CROCC2: variants seen among roughly 807,000 people sequenced by gnomAD.
CROCC2 encodes ciliary rootlet coiled-coil, rootletin family member 2, also known as ciliary rootlet coiled-coil protein 2.
Under a neutral mutation model 177.6 loss-of-function variants are expected in CROCC2, and 163 were observed. The observed-to-expected ratio is 0.92, with a 90% CI of 0.81 to 1.05. The LOEUF (loss-of-function observed/expected upper bound fraction) is 1.05, where lower values mean the gene tolerates loss of function less well. Ranked by LOEUF, CROCC2 falls within the 50% of genes least tolerant of loss-of-function variation. CROCC2 has a pLI of 0.00. For missense variants in CROCC2, 1,929 were observed against 1,797.8 expected (o/e 1.07, Z -1.32); for synonymous variants, 904 against 787.3 (o/e 1.15, Z -2.48).
At chr2:240,989,575 C>T in intron 29 of CROCC2, 79 bp from the exon 30 acceptor site, 1 of 1,388,820 alleles carries the variant, frequency 7.2e-7, no homozygotes, top group Non-Finnish European at 9.8e-7. Context: ...AGGTGAAACA[C>T]CCTGTGGCAC....
chr2:240,924,404 A>G lies in CROCC2; in HGVS notation c.489-1320A>G, dbSNP rs200705097. Among the ~76,000 whole-genome samples the G allele has an allele frequency of 2.0e-3, 8 of 3,974 alleles. 1 individual carries two copies. Among genetic ancestry groups the G allele is most frequent in the Non-Finnish European group, 2.8e-3 (8 of 2,876 alleles). The allele number at this position is 3,974 out of a possible 152,430, so 2.6% of individuals were successfully genotyped here. A position where few individuals can be genotyped will look rare whatever the true frequency, so the allele number is the denominator to read the frequency against. On this transcript the variant is annotated intron_variant, in intron 4 of 31. Transcript: ENST00000690015. ...CCCACACTGACCCAGTCCCCACACT[A>G]ACCCGGCCCCCACACTAACCCAGCC...
At chr2:240,989,478 G>A (rs528987512) in intron 29 of CROCC2, among the ~76,000 whole-genome samples, 176 bp from the exon 30 acceptor site, 5 of 152,328 alleles carry the variant, frequency 3.3e-5, no homozygotes, top group Middle Eastern at 3.4e-3. Context: ...CAAGGCCCAC[G>A]GGCTGAACAT....
chr2:240,930,472 G>C (rs1487443372), intron 6 of CROCC2, among the ~76,000 whole-genome samples: 1 of 152,160 alleles, frequency 6.6e-6, no homozygotes, highest in African/African-American at 2.4e-5. Flanking sequence ...GGCAGTAGGG[G>C]AGAAGGACAA....
chr2:240,965,187 C>G (rs2059671733), intron 22 of CROCC2, among the ~76,000 whole-genome samples, 194 bp from the exon 23 acceptor site: 1 of 152,178 alleles, frequency 6.6e-6, no homozygotes. Flanking sequence ...CGAGGAGGTC[C>G]CAGGTAGGTG....
At chr2:240,990,376 T>TGAACCACTGAGCC (rs1324941330) in intron 30 of CROCC2, among the ~76,000 whole-genome samples, 1 of 152,198 alleles carries the variant, frequency 6.6e-6, no homozygotes, top group Non-Finnish European at 1.5e-5. Flanking sequence ...CCTGCTGGGC[T>TGAACCACTGAGCC]GAACCACTGA....
intron 1 of CROCC2, among the ~76,000 whole-genome samples, chr2:240,916,772 C>T (rs970879568): frequency 6.6e-6 from 1 of 152,208 alleles, no homozygotes; most frequent in Non-Finnish European, 1.5e-5. Context: ...GCTGAGCAGG[C>T]GGAGGGAGGG....
intron 1 of CROCC2, among the ~76,000 whole-genome samples, chr2:240,912,798 A>G (rs1427453018): frequency 6.6e-6 from 1 of 152,192 alleles, no homozygotes; most frequent in Non-Finnish European, 1.5e-5. Flanking sequence ...TCTGGTAACC[A>G]GCCCCTACTT....
At chr2:240,915,856 T>TA (rs2059316651) in intron 1 of CROCC2, among the ~76,000 whole-genome samples, 1 of 152,076 alleles carries the variant, frequency 6.6e-6, no homozygotes, top group Admixed American at 6.5e-5. Flanking sequence ...GAGGAAGAGA[T>TA]AGGGGCCGGG....
At chr2:240,930,144 A>G (rs879282181) in intron 5 of CROCC2, 22 bp from the exon 6 acceptor site, 5 of 541,560 alleles carry the variant, frequency 9.2e-6, no homozygotes, top group African/African-American at 1.9e-5. Flanking sequence ...CCTGAAGTAG[A>G]CAGGAGGCCT....
chr2:240,950,557 C>A (rs768902338), intron 18 of CROCC2, 47 bp downstream of exon 18: 25 of 1,513,782 alleles, frequency 1.7e-5, no homozygotes, highest in Non-Finnish European at 8.9e-7. Context: ...ACCCACTGCA[C>A]CTGTCACCTC....
Position 240,964,489 on chromosome 2 carries a change from A to G in CROCC2, c.3329A>G (p.Lys1110Arg). 1 of 1,548,812 alleles carries G rather than the reference A, an allele frequency of 6.5e-7. No homozygotes were observed. The highest frequency in any genetic ancestry group is 8.7e-7 in the Non-Finnish European group (1 of 1,146,824). Reference protein sequence around the residue: ...KASFKRSKEEKEQKLLILEEA... With the variant: ...KASFKRSKEEREQKLLILEEA... ...AGTTTTAAGCGGTCCAAGGAGGAGA[A>G]GGAGCAGAAGCTGCTCATCCTGGAG... Residue 1110 changes from lysine to arginine, a missense_variant, in exon 22 of 32, where the codon AAG (lysine) becomes AGG (arginine). Lys to Arg is a conservative substitution (Grantham distance 26). This residue lies in a region of CROCC2 where 1,397 missense variants were observed against 1,239.9 expected (regional missense o/e 1.13). Coordinates refer to ENST00000690015, the MANE Select transcript of CROCC2 (RefSeq NM_001351305.2).
rs1483437827 is a variant in CROCC2 at position 240,946,214 on chromosome 2, G to A, written c.2324G>A (p.Arg775Lys). 1.9e-6 allele frequency: 3 copies of A among 1,542,848 alleles called. No individual in the cohort carries two copies. Among genetic ancestry groups the A allele is most frequent in the South Asian group, 1.2e-5 (1 of 83,816 alleles). ...CTGGCCAAGCAGGAGGCCTTGGAGA[G>A]GCAGGGCCGGCTCGCAGCTGAAGAG... ...QLLAKQEALE[R>K]QGRLAAEEAA... is the part of the protein sequence containing the mutation. Residue 775 changes from arginine (R) to lysine (K), a missense_variant, in exon 15 of 32, where the codon AGG becomes AAG. Transcript: ENST00000690015.
chr2:240,950,224 C>G, intron 17 of CROCC2, 110 bp from the exon 18 acceptor site: 2 of 1,141,656 alleles, frequency 1.8e-6, no homozygotes, highest in Non-Finnish European at 2.5e-6. Context: ...TGGACAGCCC[C>G]TGGGGTCCAT....
intron 14 of CROCC2, among the ~76,000 whole-genome samples, chr2:240,941,888 C>T (rs1010630924): frequency 3.9e-5 from 6 of 152,102 alleles, no homozygotes; most frequent in South Asian, 2.1e-4. Context: ...CCCTCATCAG[C>T]GAGATTAAAG....
chr2:240,988,938 G>T, intron 29 of CROCC2, 68 bp downstream of exon 29: 1 of 1,330,570 alleles, frequency 7.5e-7, no homozygotes, highest in Non-Finnish European at 9.7e-7. Context: ...GATCCAGGAG[G>T]GTGTCAGTTC....
At position 240,911,677 on chromosome 2, in the gene CROCC2, C is replaced by A. The variant is rs566781116; in HGVS notation, c.78+5086C>A. 1.9e-3 allele frequency among the ~76,000 whole-genome samples: 288 copies of A among 152,042 alleles called. 5 individuals are homozygous for A. The highest frequency in any genetic ancestry group is 7.7e-4 in the East Asian group (4 of 5,174). On this transcript the variant is annotated intron_variant, in intron 1 of 31. Transcript: ENST00000690015. ...CCATTCCCCCCTCTCCCAGCCCCCA[C>A]CATCCTACTCTCTGTCTCTATGAAC...
intron 28 of CROCC2, among the ~76,000 whole-genome samples, chr2:240,986,535 G>A (rs1301252181): frequency 6.6e-6 from 1 of 152,226 alleles, no homozygotes; most frequent in Non-Finnish European, 1.5e-5. Context: ...CGGTGTTGCC[G>A]GCTCCACGAC....
chr2:240,974,771 C>T (rs1415710707), intron 27 of CROCC2, among the ~76,000 whole-genome samples: 1 of 152,098 alleles, frequency 6.6e-6, no homozygotes, highest in Non-Finnish European at 1.5e-5. Flanking sequence ...TTAATGTGAT[C>T]CCATTTTCCC....
intron 15 of CROCC2, among the ~76,000 whole-genome samples, chr2:240,946,811 A>G (rs1301751145): frequency 6.6e-6 from 1 of 152,150 alleles, no homozygotes; most frequent in African/African-American, 2.4e-5. Flanking sequence ...CCCTGTACCA[A>G]TCCTAGGAGC....
Sources: allele counts gnomAD v4.1 joint callset (sites outside exome capture counted in the v4.1 genomes callset), GRCh38; gene constraint gnomAD v4.1.1; regional missense constraint gnomAD v4.1.1; transcripts MANE v1.5; gene names NCBI Gene and HGNC (gene_info 2026-07-23, HGNC 2026-07-21).